The following IMMP2L variants were observed in gnomAD, a reference collection of about 807,000 sequenced individuals.
The protein encoded by IMMP2L is inner mitochondrial membrane peptidase subunit 2.
In IMMP2L, 18 loss-of-function variants were observed where a neutral mutation model predicts 19.3. The ratio of observed to expected loss-of-function variants is 0.93; its 90% CI spans 0.64 to 1.38. The LOEUF is 1.38. Among genes scored for constraint, IMMP2L ranks in the 40% most tolerant of loss-of-function variants. The probability of loss-of-function intolerance (pLI) is 0.00; values close to 1 mark genes in which losing one functional copy is unlikely to be tolerated. For missense variants in IMMP2L, 233 were observed against 218.2 expected, an observed-to-expected ratio of 1.07 and a Z score of -0.43; for synonymous variants, 76 against 73.0, an observed-to-expected ratio of 1.04 and a Z score of -0.21.
chr7:111,000,170 C>A (rs577820407), intron 3 of IMMP2L, among the ~76,000 whole-genome samples: 1 of 152,262 alleles, frequency 6.6e-6, no homozygotes, highest in Non-Finnish European at 1.5e-5. Context: ...GAGGCAATTT[C>A]AATTAATCCC....
intron 3 of IMMP2L, among the ~76,000 whole-genome samples, chr7:111,394,341 T>C (rs962549948): frequency 6.6e-6 from 1 of 152,162 alleles, no homozygotes; most frequent in Non-Finnish European, 1.5e-5. Context: ...TTTTCATTGC[T>C]GCCATCATTG....
At chr7:111,068,576 A>AG (rs2129575120) in intron 3 of IMMP2L, among the ~76,000 whole-genome samples, 1 of 152,350 alleles carries the variant, frequency 6.6e-6, no homozygotes, top group Non-Finnish European at 1.5e-5. Flanking sequence ...ATCAAACAAA[A>AG]GAAATGCTTT....
chr7:111,489,487 G>A (rs1047680878), intron 2 of IMMP2L, among the ~76,000 whole-genome samples: 1 of 152,162 alleles, frequency 6.6e-6, no homozygotes, highest in Non-Finnish European at 1.5e-5. Context: ...GCTGATGACA[G>A]CAGCCAGTGG....
At chr7:111,093,577 T>C (rs558573206) in intron 3 of IMMP2L, among the ~76,000 whole-genome samples, 1 of 152,162 alleles carries the variant, frequency 6.6e-6, no homozygotes, top group Non-Finnish European at 1.5e-5. Flanking sequence ...AAAATTGCAA[T>C]AGATGACACC....
intron 3 of IMMP2L, among the ~76,000 whole-genome samples, chr7:111,100,536 G>A (rs2129579936): frequency 6.7e-6 from 1 of 149,490 alleles, no homozygotes; most frequent in South Asian, 2.1e-4. Context: ...AACCTGATTA[G>A]TATAATATTA....
At chr7:111,464,058 G>A (rs1840387901) in intron 3 of IMMP2L, among the ~76,000 whole-genome samples, 2 of 152,086 alleles carry the variant, frequency 1.3e-5, no homozygotes, top group African/African-American at 4.8e-5. Context: ...GCAGAGGTCA[G>A]GAGCATGGAT....
chr7:111,524,728 C>T (rs1226784152), intron 1 of IMMP2L, among the ~76,000 whole-genome samples: 2 of 152,140 alleles, frequency 1.3e-5, no homozygotes, highest in Non-Finnish European at 2.9e-5. Flanking sequence ...TGTCTCCTCA[C>T]ATTTAGTTTA....
At chr7:111,504,140 A>C (rs1381688466) in intron 2 of IMMP2L, among the ~76,000 whole-genome samples, 1 of 152,206 alleles carries the variant, frequency 6.6e-6, no homozygotes, top group African/African-American at 2.4e-5. Context: ...ATACAAAATC[A>C]ATGCACAAAA....
At chr7:111,508,855 T>C (rs1052403755) in intron 2 of IMMP2L, among the ~76,000 whole-genome samples, 2 of 152,156 alleles carry the variant, frequency 1.3e-5, no homozygotes, top group African/African-American at 4.8e-5. Context: ...TTTCAGGCTT[T>C]AAACTGTCTT....
intron 3 of IMMP2L, among the ~76,000 whole-genome samples, chr7:111,192,856 A>G (rs1434416181): frequency 6.6e-6 from 1 of 152,146 alleles, no homozygotes; most frequent in Non-Finnish European, 1.5e-5. Flanking sequence ...CAAATTACAG[A>G]GGCAAGAAGA....
At chr7:111,306,639 TG>T (rs1822907676) in intron 3 of IMMP2L, among the ~76,000 whole-genome samples, 2 of 150,940 alleles carry the variant, frequency 1.3e-5, no homozygotes, top group Admixed American at 6.6e-5. Flanking sequence ...TGTGTGTGTG[TG>T]TGTGTGTGTG....
At chr7:111,461,882 T>C (rs1840165617) in intron 3 of IMMP2L, among the ~76,000 whole-genome samples, 1 of 151,998 alleles carries the variant, frequency 6.6e-6, no homozygotes, top group Non-Finnish European at 1.5e-5. Flanking sequence ...ATGTATTTAC[T>C]GTCATGGAAA....
intron 3 of IMMP2L, among the ~76,000 whole-genome samples, chr7:111,465,825 G>C (rs1012534252): frequency 1.3e-5 from 2 of 152,046 alleles, no homozygotes; most frequent in Non-Finnish European, 2.9e-5. Flanking sequence ...CCATTACTGG[G>C]TATATACCCA....
chr7:110,674,311 G>C (rs1463450415), intron 5 of IMMP2L, among the ~76,000 whole-genome samples: 1 of 152,080 alleles, frequency 6.6e-6, no homozygotes, highest in Non-Finnish European at 1.5e-5. Flanking sequence ...CTCCCACCAG[G>C]TCCCTCCCAT....
At chr7:110,717,062 T>A (rs1210520585) in intron 5 of IMMP2L, among the ~76,000 whole-genome samples, 1 of 152,218 alleles carries the variant, frequency 6.6e-6, no homozygotes, top group Non-Finnish European at 1.5e-5. Flanking sequence ...TGGGTAAGTC[T>A]ACCTAGGAGA....
intron 3 of IMMP2L, among the ~76,000 whole-genome samples, chr7:111,420,726 T>C (rs1835426405): frequency 6.6e-6 from 1 of 151,584 alleles, no homozygotes. Context: ...TCCCTGCCAA[T>C]AACATGAAAT....
chr7:111,120,234 G>A (rs1484674650), intron 3 of IMMP2L, among the ~76,000 whole-genome samples: 1 of 152,066 alleles, frequency 6.6e-6, no homozygotes, highest in Non-Finnish European at 1.5e-5. Context: ...TGCTAATAGA[G>A]ACATATCCAA....
intron 5 of IMMP2L, among the ~76,000 whole-genome samples, chr7:110,881,442 G>A (rs867874568): frequency 6.6e-6 from 1 of 151,984 alleles, no homozygotes; most frequent in Non-Finnish European, 1.5e-5. Flanking sequence ...TAAAACTATT[G>A]TTACCAATAT....
intron 5 of IMMP2L, among the ~76,000 whole-genome samples, chr7:110,746,671 G>T (rs1252226950): frequency 1.3e-5 from 2 of 152,094 alleles, no homozygotes; most frequent in Non-Finnish European, 2.9e-5. Flanking sequence ...ATAACAAAAT[G>T]AAGGCAGAAA....
Sources: gnomAD v4.1 joint callset for allele counts (sites outside exome capture counted in the v4.1 genomes callset) on GRCh38, gnomAD v4.1.1 for gene constraint, MANE v1.5 for transcripts, NCBI Gene and HGNC (gene_info 2026-07-23, HGNC 2026-07-21) for gene names.